The following ADGRL3 variants were observed in gnomAD, a reference collection of about 807,000 sequenced individuals.
The protein encoded by ADGRL3 is calcium-independent alpha-latrotoxin receptor 3.
A neutral mutation model predicts 153.5 loss-of-function variants in ADGRL3; 62 were observed. The ratio of observed to expected loss-of-function variants is 0.40; its 90% confidence interval spans 0.33 to 0.50. The LOEUF (loss-of-function observed/expected upper bound fraction) is 0.50. Ranked by LOEUF, ADGRL3 falls within the 20% of genes least tolerant of loss-of-function variation. ADGRL3 has a pLI of 0.47. For synonymous variants in ADGRL3, 710 were observed against 672.5 expected (o/e 1.06, Z -0.86); for missense variants, 1,641 against 1,859.4 (o/e 0.88, Z 2.16).
intron 2 of ADGRL3, among the ~76,000 whole-genome samples, chr4:61,473,778 A>T (rs1400693443): frequency 6.6e-6 from 1 of 152,084 alleles, no homozygotes; most frequent in Non-Finnish European, 1.5e-5. Context: ...ATCATTGTGG[A>T]ATCTTAATCA....
chr4:61,423,253 A>T (rs1560607094), intron 2 of ADGRL3, among the ~76,000 whole-genome samples: 1 of 152,232 alleles, frequency 6.6e-6, no homozygotes, highest in South Asian at 2.1e-4. Flanking sequence ...CAAATGAAAC[A>T]ACCAGAAAAC....
intron 1 of ADGRL3, among the ~76,000 whole-genome samples, chr4:61,219,925 T>A (rs886626390): frequency 2.0e-5 from 3 of 151,776 alleles, no homozygotes; most frequent in Non-Finnish European, 4.4e-5. Flanking sequence ...CTGGACAACA[T>A]GGTGAAACCC....
At chr4:61,918,183 T>C (rs931654432) in intron 13 of ADGRL3, among the ~76,000 whole-genome samples, 47 of 152,114 alleles carry the variant, frequency 3.1e-4, no homozygotes, top group African/African-American at 1.1e-3. Context: ...AGAGATTGTA[T>C]AGAGTTTTCA....
intron 19 of ADGRL3, among the ~76,000 whole-genome samples, chr4:61,986,410 G>A (rs2099085698): frequency 6.6e-6 from 1 of 152,054 alleles, no homozygotes; most frequent in South Asian, 2.1e-4. Context: ...TGAGACAGAT[G>A]TCATTTTTTG....
At chr4:61,319,523 A>C (rs2095309598) in intron 1 of ADGRL3, among the ~76,000 whole-genome samples, 1 of 152,042 alleles carries the variant, frequency 6.6e-6, no homozygotes. Flanking sequence ...CCTTTCCCTC[A>C]TGTGTTGCAG....
At position 61,909,761 on chromosome 4, in the gene ADGRL3, A is replaced by ATGTGTG. The variant is rs58884223; in HGVS notation, c.2073+52_2073+57dup. 62,753 of 1,168,832 alleles carry ATGTGTG rather than the reference A, an allele frequency of 0.054. 1,245 individuals are homozygous for ATGTGTG. The highest frequency in any genetic ancestry group is 0.2 in the East Asian group (6,508 of 33,194). The allele number at this position is 1,168,832 out of a possible 1,614,324, so 72.4% of individuals were successfully genotyped here. ...TTTGAACAAGGTAAGGACCCTAATTATGTGTGTGTGTGTGTGTGTGTGTGT... is the reference window on the plus strand; with the variant it reads ...TTTGAACAAGGTAAGGACCCTAATTATGTGTGTGTGTGTGTGTGTGTGTGTGTGTGT... On this transcript the variant is annotated intron_variant, in intron 12 of 26. Coordinates refer to ENST00000683033, the MANE Select transcript of ADGRL3 (RefSeq NM_001387552.1).
intron 1 of ADGRL3, among the ~76,000 whole-genome samples, chr4:61,230,444 T>G (rs1245434943): frequency 6.6e-6 from 1 of 152,218 alleles, no homozygotes; most frequent in Non-Finnish European, 1.5e-5. Flanking sequence ...CAAAAGTTAT[T>G]AAGAAATTGT....
intron 4 of ADGRL3, among the ~76,000 whole-genome samples, chr4:61,547,091 A>G (rs1397549182): frequency 6.6e-6 from 1 of 152,122 alleles, no homozygotes; most frequent in Non-Finnish European, 1.5e-5. Flanking sequence ...GTATTTCTTT[A>G]TTGTTTGCAG....
chr4:61,848,672 C>A (rs1457980153), intron 9 of ADGRL3, among the ~76,000 whole-genome samples: 4 of 152,072 alleles, frequency 2.6e-5, no homozygotes, highest in African/African-American at 9.7e-5. Context: ...ATCCAAGAGA[C>A]TATTGTCTAA....
intron 21 of ADGRL3, among the ~76,000 whole-genome samples, chr4:62,027,645 T>A (rs945397217): frequency 6.6e-6 from 1 of 151,962 alleles, no homozygotes; most frequent in Non-Finnish European, 1.5e-5. Context: ...GGGGTTTTAT[T>A]CTCTGGATGA....
intron 5 of ADGRL3, among the ~76,000 whole-genome samples, chr4:61,656,797 C>G (rs2094454219): frequency 6.6e-6 from 1 of 152,146 alleles, no homozygotes; most frequent in East Asian, 1.9e-4. Flanking sequence ...CATATACCAT[C>G]ATGCTTGCTA....
At chr4:61,373,139 A>G (rs958193080) in intron 1 of ADGRL3, among the ~76,000 whole-genome samples, 1 of 152,068 alleles carries the variant, frequency 6.6e-6, no homozygotes, top group African/African-American at 2.4e-5. Flanking sequence ...GGCACTCCCT[A>G]GTGAGATGAA....
chr4:61,435,429 G>C (rs2097432149), intron 2 of ADGRL3, among the ~76,000 whole-genome samples: 1 of 152,062 alleles, frequency 6.6e-6, no homozygotes, highest in South Asian at 2.1e-4. Context: ...TCCACCAGAA[G>C]CGTATGGATT....
At chr4:61,599,142 G>C (rs75471910) in intron 5 of ADGRL3, among the ~76,000 whole-genome samples, 1 of 152,164 alleles carries the variant, frequency 6.6e-6, no homozygotes, top group Non-Finnish European at 1.5e-5. Flanking sequence ...AACAAAGTAT[G>C]GACAGCCATG....
intron 15 of ADGRL3, among the ~76,000 whole-genome samples, chr4:61,936,916 A>G (rs1020588477): frequency 6.6e-6 from 1 of 152,118 alleles, no homozygotes. Flanking sequence ...CTAATATTTC[A>G]TATTGCAGGG....
intron 5 of ADGRL3, among the ~76,000 whole-genome samples, chr4:61,676,132 A>T (rs958989736): frequency 5.9e-5 from 9 of 151,914 alleles, no homozygotes; most frequent in Non-Finnish European, 1.3e-4. Context: ...GTATGTCATT[A>T]TTCTTTTTAT....
intron 4 of ADGRL3, among the ~76,000 whole-genome samples, chr4:61,519,209 A>G (rs2098515565): frequency 6.6e-6 from 1 of 152,192 alleles, no homozygotes; most frequent in African/African-American, 2.4e-5. Context: ...TAAGAACTTT[A>G]TACTGAATTT....
At position 61,767,902 on chromosome 4, in the gene ADGRL3, G is replaced by A. The variant is rs562252520; in HGVS notation, c.1399+34348G>A. On this transcript the variant is annotated intron_variant, in intron 8 of 26. Transcript: ENST00000683033. ...TTTTTCTGTTATTGCACACCTTGAA[G>A]GTGAGGTTAATTAAGTCCTGTTGTG... 7.9e-5 allele frequency among the ~76,000 whole-genome samples: 12 copies of A among 152,254 alleles called. No individual in the cohort carries two copies. In the East Asian group the frequency reaches 2.1e-3, roughly 27 times the overall value.
At chr4:61,554,192 T>C (rs191183278) in intron 4 of ADGRL3, among the ~76,000 whole-genome samples, 5 of 151,240 alleles carry the variant, frequency 3.3e-5, no homozygotes, top group Admixed American at 3.3e-4. Flanking sequence ...TTTTATTTTA[T>C]TTTATTTTAT....
Sources: gnomAD v4.1 joint callset for allele counts (sites outside exome capture counted in the v4.1 genomes callset) on GRCh38, gnomAD v4.1.1 for gene constraint, MANE v1.5 for transcripts, NCBI Gene and HGNC (gene_info 2026-07-23, HGNC 2026-07-21) for gene names.